Variants in NUP214 observed in about 807,000 individuals in gnomAD.
NUP214 encodes the protein nuclear pore complex protein Nup214.
NUP214 carries 79 observed loss-of-function variants against 196.2 expected under a neutral mutation model. That is an observed-to-expected ratio of 0.40 (90% confidence interval 0.34 to 0.49). The LOEUF (loss-of-function observed/expected upper bound fraction) is 0.49, where lower values mean the gene tolerates loss of function less well. Among genes scored for constraint, NUP214 ranks in the 20% least tolerant of loss-of-function variants. The probability of loss-of-function intolerance (pLI) is 0.58; values close to 1 mark genes in which losing one functional copy is unlikely to be tolerated. For synonymous variants in NUP214, 1,020 were observed against 990.5 expected, an observed-to-expected ratio of 1.03 and a Z score of -0.56; for missense variants, 2,468 against 2,539.0, an observed-to-expected ratio of 0.97 and a Z score of 0.60.
At chr9:131,230,951 AG>A (rs1834860216) in intron 34 of NUP214, among the ~76,000 whole-genome samples, 182 bp downstream of exon 34, 1 of 152,114 alleles carries the variant, frequency 6.6e-6, no homozygotes, top group Non-Finnish European at 1.5e-5. Flanking sequence ...ACTTGAGCCC[AG>A]GAGTTTGAGA....
At chr9:131,204,780 A>G (rs990808121) in intron 30 of NUP214, among the ~76,000 whole-genome samples, 6 of 152,258 alleles carry the variant, frequency 3.9e-5, no homozygotes, top group African/African-American at 1.4e-4. Flanking sequence ...AGTAATCCAC[A>G]GATTCAGAAG....
chr9:131,208,543 A>G (rs1411948041), intron 30 of NUP214, among the ~76,000 whole-genome samples: 1 of 152,068 alleles, frequency 6.6e-6, no homozygotes, highest in Non-Finnish European at 1.5e-5. Flanking sequence ...TAAAAATACA[A>G]AAAATTATCC....
intron 21 of NUP214, among the ~76,000 whole-genome samples, chr9:131,172,250 C>T (rs939635625): frequency 7.2e-5 from 11 of 151,932 alleles, no homozygotes; most frequent in Non-Finnish European, 1.3e-4. Context: ...GCCATTCTAA[C>T]TGGCGTGAGA....
At position 131,133,304 on chromosome 9, in the gene NUP214, G is replaced by GTTTTT. The variant is rs751108620; in HGVS notation, c.831+109_831+113dup. 1.3e-3 allele frequency: 561 copies of GTTTTT among 421,366 alleles called. 2 individuals are homozygous for GTTTTT. Among genetic ancestry groups the GTTTTT allele is most frequent in the South Asian group, 2.6e-3 (62 of 24,168 alleles). The allele number at this position is 421,366 out of a possible 1,614,324, so 26.1% of individuals were successfully genotyped here. ...TTTCAAGGGGTTTTTTTGTGTTTGT[G>GTTTTT]TTTTTTTTTTTTTTTTTTGAGACAA... is the stretch of plus-strand genomic sequence containing the variant. On this transcript the variant is annotated intron_variant, in intron 7 of 35. Coordinates refer to ENST00000359428, the MANE Select transcript of NUP214 (RefSeq NM_005085.4).
intron 19 of NUP214, 25 bp from the exon 20 acceptor site, chr9:131,163,845 T>G (rs2133557085): frequency 6.3e-7 from 1 of 1,595,702 alleles, no homozygotes; most frequent in Admixed American, 1.7e-5. Flanking sequence ...CTAGTTGGTC[T>G]GTATCTAACA....
At position 131,233,489 on chromosome 9, in the gene NUP214, G is replaced by A. The variant is rs775121318; in HGVS notation, c.*2G>A. The A allele has an allele frequency of 2.5e-6, 4 of 1,613,862 alleles. No individual in the cohort carries two copies. The highest frequency in any genetic ancestry group is 3.4e-6 in the Non-Finnish European group (4 of 1,179,896). On this transcript the variant is annotated 3_prime_UTR_variant, in exon 36 of 36. Coordinates refer to ENST00000359428, the MANE Select transcript of NUP214 (RefSeq NM_005085.4). The stretch of plus-strand genomic sequence containing the variant: ...GGTTTTGGTGGCTGGCGAAGCTGAG[G>A]GCGTGTCAGCAGGCCTTTCGATCCC...
At chr9:131,185,311 T>C (rs1036384036) in intron 24 of NUP214, among the ~76,000 whole-genome samples, 1 of 152,188 alleles carries the variant, frequency 6.6e-6, no homozygotes, top group African/African-American at 2.4e-5. Flanking sequence ...CTGTGTTTTA[T>C]TTTTCTCCAA....
intron 31 of NUP214, chr9:131,222,466 C>G (rs564341724): frequency 1.5e-4 from 35 of 227,496 alleles, no homozygotes; most frequent in African/African-American, 6.3e-4. Flanking sequence ...TTGACACTTG[C>G]AGGAGCACCC....
intron 21 of NUP214, among the ~76,000 whole-genome samples, chr9:131,171,014 A>G (rs952152291): frequency 1.4e-5 from 2 of 147,660 alleles, no homozygotes; most frequent in African/African-American, 5.1e-5. Flanking sequence ...GTAGCTTTCT[A>G]CCTTTCCTTA....
Position 131,144,522 on chromosome 9 carries a change from C to A in NUP214, c.1537C>A (p.Pro513Thr), listed in dbSNP as rs745754771. 4.3e-6 allele frequency: 7 copies of A among 1,614,176 alleles called. No individual in the cohort carries two copies. The Admixed American group carries it at 8.3e-5, about 19-fold the overall frequency. ...TGGCTCCGACAGCTCCAAAGCAGCC[C>A]CAGGCCCTGGCCCATCAACCTTCTC... ...SSGSDSSKAA[P>T]GPGPSTFSFV... The change falls in exon 12 of 36, where the codon CCA becomes ACA. Residue 513 changes from proline to threonine, a missense_variant. Pro to Thr is a conservative substitution (Grantham distance 38). Transcript: ENST00000359428.
chr9:131,152,623 C>T (rs1832307715), intron 17 of NUP214, among the ~76,000 whole-genome samples: 1 of 152,122 alleles, frequency 6.6e-6, no homozygotes, highest in Non-Finnish European at 1.5e-5. Flanking sequence ...GTAAGAGTTA[C>T]TGGTCCCTGT....
chr9:131,178,214 C>T, intron 23 of NUP214, 97 bp from the exon 24 acceptor site: 1 of 839,514 alleles, frequency 1.2e-6, no homozygotes. Flanking sequence ...CTCTAATCTG[C>T]TTGGGCTCAT....
intron 2 of NUP214, 119 bp from the exon 3 acceptor site, chr9:131,128,213 A>G: frequency 1.5e-6 from 1 of 680,274 alleles, no homozygotes; most frequent in Non-Finnish European, 2.5e-6. Flanking sequence ...ATAACTAGGT[A>G]TTGGGGTGTA....
chr9:131,155,901 A>C lies in NUP214; in HGVS notation c.2437-3482A>C, dbSNP rs574547174. 1.2e-4 allele frequency among the ~76,000 whole-genome samples: 18 copies of C among 152,274 alleles called. No homozygotes were observed. In the East Asian group the frequency reaches 2.9e-3, roughly 24 times the overall value. On this transcript the variant is annotated intron_variant, in intron 17 of 35. Transcript: ENST00000359428. ...ACTATAGGCTTGTAGTATAGTTTGA[A>C]GTCAGATAACGTGATACCTCCAGAT...
Position 131,134,858 on chromosome 9 carries a change from T to G in NUP214, c.832-40T>G, listed in dbSNP as rs767880453. On this transcript the variant is annotated intron_variant, in intron 7 of 35. Coordinates refer to ENST00000359428, the MANE Select transcript of NUP214 (RefSeq NM_005085.4). ...CTTTTGCTGTGGGATCTGAGAAAAA[T>G]TGCACATGAGAATTTTTTTTCTTGC... 3.8e-6 allele frequency: 5 copies of G among 1,331,190 alleles called. No individual in the cohort carries two copies. In the Admixed American group the frequency reaches 8.8e-5, roughly 24 times the overall value. The allele number at this position is 1,331,190 out of a possible 1,614,324, so 82.5% of individuals were successfully genotyped here. A position where few individuals can be genotyped will look rare whatever the true frequency, so the allele number is the denominator to read the frequency against.
chr9:131,199,299 G>A (rs548793612), intron 29 of NUP214, among the ~76,000 whole-genome samples: 1 of 152,268 alleles, frequency 6.6e-6, no homozygotes, highest in East Asian at 1.9e-4. Context: ...ATCTTTAGTT[G>A]AGGTCCTGCC....
rs139755738 is a variant in NUP214 at position 131,202,848 on chromosome 9, G to A, written c.5592+1131G>A. On this transcript the variant is annotated intron_variant, in intron 30 of 35. Transcript: ENST00000359428. ...TATATGTAGCCCAGAGACTCCTTTT[G>A]GTGAACTGAGCTGTTTGATTTTATG... Among the ~76,000 whole-genome samples the A allele has an allele frequency of 6.6e-5, 10 of 152,080 alleles. No homozygotes were observed. In the East Asian group the frequency reaches 1.7e-3, roughly 26 times the overall value.
At chr9:131,231,252 GCA>G (rs1401491914) in intron 34 of NUP214, among the ~76,000 whole-genome samples, 3 of 152,068 alleles carry the variant, frequency 2.0e-5, no homozygotes, top group Non-Finnish European at 4.4e-5. Context: ...GAGTGCAGTG[GCA>G]CAATCTCGGC....
chr9:131,126,344 A>G (rs1333466822), intron 1 of NUP214: 3 of 152,964 alleles, frequency 2.0e-5, no homozygotes, highest in Non-Finnish European at 4.4e-5. Flanking sequence ...CAGTGATAGC[A>G]ACGTGGGAGT....
Sources: gnomAD v4.1 joint callset for allele counts (sites outside exome capture counted in the v4.1 genomes callset) on GRCh38, gnomAD v4.1.1 for gene constraint, MANE v1.5 for transcripts, NCBI Gene and HGNC (gene_info 2026-07-23, HGNC 2026-07-21) for gene names.